The following TRPM6 variants were observed in gnomAD, a reference collection of about 807,000 sequenced individuals.
TRPM6 encodes channel kinase 2.
Under a neutral mutation model 247.6 loss-of-function variants are expected in TRPM6, and 111 were observed. The ratio of observed to expected loss-of-function variants is 0.45; its 90% confidence interval spans 0.38 to 0.52. TRPM6 has a LOEUF of 0.52. Among genes scored for constraint, TRPM6 ranks in the 20% least tolerant of loss-of-function variants. The pLI, the probability that TRPM6 is intolerant of heterozygous loss-of-function variation, is 0.00. For synonymous variants in TRPM6, 892 were observed against 853.8 expected (o/e 1.04, Z -0.78); for missense variants, 2,126 against 2,421.5 (o/e 0.88, Z 2.56).
intron 3 of TRPM6, among the ~76,000 whole-genome samples, chr9:74,843,297 C>G (rs181772692): frequency 1.4e-4 from 22 of 152,294 alleles, no homozygotes; most frequent in South Asian, 8.3e-4. Flanking sequence ...CCACTGAAGT[C>G]TTGAACCCCT....
At chr9:74,792,518 G>C in intron 19 of TRPM6, 106 bp downstream of exon 19, 1 of 1,283,232 alleles carries the variant, frequency 7.8e-7, no homozygotes, top group Non-Finnish European at 1.1e-6. Flanking sequence ...TTTTTAACTA[G>C]GTTTCTACAT....
At position 74,780,552 on chromosome 9, in the gene TRPM6, C is replaced by T. The variant is rs552854605; in HGVS notation, c.3209+1810G>A. 5.9e-5 allele frequency among the ~76,000 whole-genome samples: 9 copies of T among 152,078 alleles called. No homozygotes were observed. The South Asian group carries it at 1.7e-3, about 28-fold the overall frequency. On this transcript the variant is annotated intron_variant, in intron 23 of 38. Coordinates refer to ENST00000360774, the MANE Select transcript of TRPM6 (RefSeq NM_017662.5). The stretch of plus-strand genomic sequence containing the variant: ...TTTTACCCAGAAGTAAAATGGGAGG[C>T]ACTGAAGAGTTTGGAGCAGAAGAGT...
chr9:74,769,128 G>A (rs73532452), intron 25 of TRPM6, among the ~76,000 whole-genome samples: 2,572 of 152,224 alleles, frequency 0.017, 77 homozygotes, highest in African/African-American at 0.059. Flanking sequence ...GCATCTCTAA[G>A]AAGCAGGGCT....
intron 31 of TRPM6, among the ~76,000 whole-genome samples, chr9:74,745,865 T>G (rs1178767680): frequency 1.3e-5 from 2 of 152,220 alleles, no homozygotes; most frequent in Non-Finnish European, 2.9e-5. Context: ...AGGATTATTC[T>G]GGCTGTTTCT....
At chr9:74,884,248 T>G (rs1397559844) in intron 1 of TRPM6, among the ~76,000 whole-genome samples, 1 of 152,164 alleles carries the variant, frequency 6.6e-6, no homozygotes. Context: ...CCCAGCACTC[T>G]GGGAGGCTGA....
chr9:74,730,243 C>T (rs1371418676), intron 37 of TRPM6, among the ~76,000 whole-genome samples: 1 of 152,234 alleles, frequency 6.6e-6, no homozygotes, highest in Non-Finnish European at 1.5e-5. Flanking sequence ...AACATCTCAT[C>T]ATCGTTTCAT....
intron 30 of TRPM6, 86 bp from the exon 31 acceptor site, chr9:74,748,000 T>G: frequency 8.4e-7 from 1 of 1,184,080 alleles, no homozygotes. Flanking sequence ...CATGGAACAG[T>G]AACAACACAA....
chr9:74,878,398 T>C (rs1478248830), intron 1 of TRPM6, among the ~76,000 whole-genome samples: 1 of 152,152 alleles, frequency 6.6e-6, no homozygotes, highest in Non-Finnish European at 1.5e-5. Context: ...AGCTCACTGC[T>C]ATCACCACTA....
At chr9:74,787,818 C>G (rs574124422) in intron 20 of TRPM6, among the ~76,000 whole-genome samples, 1 of 152,310 alleles carries the variant, frequency 6.6e-6, no homozygotes. Flanking sequence ...TGGATTCAAG[C>G]AATTCTCCTG....
chr9:74,732,728 C>A lies in TRPM6; in HGVS notation c.5785G>T (p.Glu1929Ter). The A allele has an allele frequency of 5.6e-6, 9 of 1,609,000 alleles. No individual in the cohort carries two copies. The highest frequency in any genetic ancestry group is 7.6e-6 in the Non-Finnish European group (9 of 1,177,482). Residue 1929 changes from glutamate to a stop codon, truncating the protein, a stop_gained, in exon 37 of 39, where the codon GAA becomes TAA. Transcript: ENST00000360774. LOFTEE classifies it high-confidence loss of function. ...LLVLDLQGVGENLTDPSVIKP... is the reference protein window; with the variant it reads ...LLVLDLQGVG Reference sequence around the variant, plus strand: ...ATAACAGATGGATCTGTCAAATTTTCTCCAACACCTCAAAAGAAGAAACAA... The same window carrying A: ...ATAACAGATGGATCTGTCAAATTTTATCCAACACCTCAAAAGAAGAAACAA...
At chr9:74,864,540 T>C (rs1395320573) in intron 1 of TRPM6, among the ~76,000 whole-genome samples, 1 of 152,208 alleles carries the variant, frequency 6.6e-6, no homozygotes, top group African/African-American at 2.4e-5. Flanking sequence ...GTTGACTGAT[T>C]TTCCACTAAA....
intron 11 of TRPM6, among the ~76,000 whole-genome samples, chr9:74,815,320 T>G (rs1331344691): frequency 6.6e-6 from 1 of 152,184 alleles, no homozygotes; most frequent in African/African-American, 2.4e-5. Flanking sequence ...AGTGTTTACT[T>G]CTCAATAGAA....
rs76230771 is a variant in TRPM6 at position 74,782,659 on chromosome 9, C to T, written c.3094+20G>A. The T allele has an allele frequency of 1.1e-4, 173 of 1,613,158 alleles. No individual in the cohort carries two copies. In the East Asian group the frequency reaches 2.8e-3, roughly 26 times the overall value. On this transcript the variant is annotated intron_variant, in intron 22 of 38. Coordinates refer to ENST00000360774, the MANE Select transcript of TRPM6 (RefSeq NM_017662.5). ...CTATGAAGGCACAATTTCTGCATGA[C>T]GGTAAAATCCCATACACACCATCTA...
In TRPM6 at chr9:74,791,790, C is replaced by G. The variant is rs534385285; in HGVS notation, c.2538+834G>C. 2.0e-4 allele frequency among the ~76,000 whole-genome samples: 30 copies of G among 152,322 alleles called. No individual in the cohort carries two copies. The South Asian group carries it at 5.2e-3, about 26-fold the overall frequency. On this transcript the variant is annotated intron_variant, in intron 19 of 38. Transcript: ENST00000360774. ...CTTTTTTTTGAGATGGGGTCTCGCT[C>G]TGTTGCCCAGGCTGGAGTGTAGCGG... is the stretch of plus-strand genomic sequence containing the variant.
chr9:74,765,350 C>CAA (rs56073840), intron 25 of TRPM6, among the ~76,000 whole-genome samples: 93 of 106,468 alleles, frequency 8.7e-4, no homozygotes, highest in African/African-American at 2.1e-3. Context: ...GTGTTAAGAG[C>CAA]AAAAAAAAAA....
At chr9:74,814,292 C>G (rs1465798673) in intron 11 of TRPM6, among the ~76,000 whole-genome samples, 2 of 151,274 alleles carry the variant, frequency 1.3e-5, no homozygotes, top group African/African-American at 4.9e-5. Context: ...GGATGGTTAC[C>G]AGAAGCTGGG....
intron 23 of TRPM6, among the ~76,000 whole-genome samples, chr9:74,779,642 G>A (rs535397877): frequency 3.9e-5 from 6 of 151,992 alleles, no homozygotes; most frequent in Non-Finnish European, 7.4e-5. Flanking sequence ...ACTTCACTTG[G>A]TTTCTTTTGT....
At chr9:74,884,779 C>A (rs1831481644) in intron 1 of TRPM6, among the ~76,000 whole-genome samples, 1 of 152,084 alleles carries the variant, frequency 6.6e-6, no homozygotes, top group South Asian at 2.1e-4. Flanking sequence ...AAAACATATT[C>A]AATTCTGTTT....
Position 74,796,892 on chromosome 9 carries a change from A to G in TRPM6, c.2240T>C (p.Ile747Thr). 6.2e-7 allele frequency: 1 copy of G among 1,613,534 alleles called. No homozygotes were observed. Among genetic ancestry groups the G allele is most frequent in the Non-Finnish European group, 8.5e-7 (1 of 1,179,510 alleles). ...GGGTGGTAAAATAATGCTTATAATA[A>G]TCTGTAAAAGAAAAAAAAGCAAAAC... ...LKMRKNSWLK[I>T]IISIILPPTI... Residue 747 changes from isoleucine to threonine, a missense_variant and splice_region_variant, in exon 18 of 39, where the codon ATT becomes ACT. Transcript: ENST00000360774.
Sources: allele counts gnomAD v4.1 joint callset (sites outside exome capture counted in the v4.1 genomes callset), GRCh38; gene constraint gnomAD v4.1.1; transcripts MANE v1.5; gene names NCBI Gene and HGNC (gene_info 2026-07-23, HGNC 2026-07-21).